LPP: variants seen among roughly 807,000 people sequenced by gnomAD.
The protein encoded by LPP is lipoma-preferred partner.
LPP carries 38 observed loss-of-function variants against 60.4 expected under a neutral mutation model. The ratio of observed to expected loss-of-function variants is 0.63; its 90% confidence interval spans 0.49 to 0.83. The LOEUF is 0.83. Ranked by LOEUF, LPP falls within the 40% of genes least tolerant of loss-of-function variation. The pLI, the probability that LPP is intolerant of heterozygous loss-of-function variation, is 0.00. For missense variants in LPP, 902 were observed against 783.6 expected (o/e 1.15, Z -1.80); for synonymous variants, 328 against 290.8 (o/e 1.13, Z -1.30).
At chr3:188,576,987 C>T (rs1834773076) in intron 6 of LPP, among the ~76,000 whole-genome samples, 1 of 152,172 alleles carries the variant, frequency 6.6e-6, no homozygotes, top group African/African-American at 2.4e-5. Flanking sequence ...CTTGGAGCCT[C>T]ATTTCCCCTT....
chr3:188,628,088 A>C (rs1847184303), intron 7 of LPP, among the ~76,000 whole-genome samples: 1 of 152,100 alleles, frequency 6.6e-6, no homozygotes, highest in African/African-American at 2.4e-5. Context: ...AACATACCAG[A>C]GAACACAGCT....
intron 1 of LPP, among the ~76,000 whole-genome samples, chr3:188,212,093 A>T (rs1711520114): frequency 6.6e-6 from 1 of 152,086 alleles, no homozygotes; most frequent in Admixed American, 6.6e-5. Flanking sequence ...TCCTGACCTC[A>T]GGTGATCCTC....
intron 9 of LPP, among the ~76,000 whole-genome samples, chr3:188,803,416 A>G (rs1747937841): frequency 6.6e-6 from 1 of 152,168 alleles, no homozygotes; most frequent in Non-Finnish European, 1.5e-5. Context: ...GCCATAGTTT[A>G]TCTTCTTCTA....
rs531722107 is a variant in LPP, at chr3:188,372,773, T to C, written c.-10+31054T>C. On this transcript the variant is annotated intron_variant, in intron 3 of 11. Coordinates refer to ENST00000617246, the MANE Select transcript of LPP (RefSeq NM_001375462.1). ...GTACAACGTGCAGGTTTGTTACATA[T>C]GTATACATGTGCTATGTTAGTGTGC... is the stretch of plus-strand genomic sequence containing the variant. Among the ~76,000 whole-genome samples the C allele has an allele frequency of 3.3e-5, 5 of 152,154 alleles. No homozygotes were observed. In the East Asian group the frequency reaches 9.6e-4, roughly 29 times the overall value.
intron 1 of LPP, among the ~76,000 whole-genome samples, chr3:188,215,060 C>T (rs1577333716): frequency 6.6e-6 from 1 of 152,146 alleles, no homozygotes; most frequent in African/African-American, 2.4e-5. Context: ...AATCCCAGCA[C>T]TTTGAGAGGC....
Position 188,883,559 on chromosome 3 carries a change from G to A in LPP, c.*9080G>A, listed in dbSNP as rs539037843. 160 of 180,140 alleles carry A rather than the reference G, an allele frequency of 8.9e-4. No homozygotes were observed. Among genetic ancestry groups the A allele is most frequent in the African/African-American group, 3.6e-3 (151 of 42,314 alleles). 11.2% of individuals were successfully genotyped at this position (180,140 alleles called of 1,614,324 possible). On this transcript the variant is annotated 3_prime_UTR_variant, in exon 12 of 12. Coordinates refer to ENST00000617246, the MANE Select transcript of LPP (RefSeq NM_001375462.1). ...ATCCTGGTCAACATGGTGAAACCCC[G>A]ACTCTACTAAAAAAAATACAAAAAT...
chr3:188,510,824 T>C (rs1364671757), intron 5 of LPP, among the ~76,000 whole-genome samples: 2 of 152,232 alleles, frequency 1.3e-5, no homozygotes, highest in East Asian at 1.9e-4. Context: ...ATTTAAGGCC[T>C]TCTCAATTCT....
intron 2 of LPP, among the ~76,000 whole-genome samples, chr3:188,278,372 G>C (rs553342031): frequency 6.6e-6 from 1 of 152,270 alleles, no homozygotes; most frequent in South Asian, 2.1e-4. Context: ...GTCCTCATCT[G>C]CCAAAGACTA....
intron 1 of LPP, among the ~76,000 whole-genome samples, chr3:188,187,960 T>A (rs1377491704): frequency 6.6e-6 from 1 of 152,210 alleles, no homozygotes; most frequent in Admixed American, 6.5e-5. Context: ...TTAATTCCTA[T>A]ATATTTAATA....
In LPP at chr3:188,799,358, G is replaced by T. The variant is rs1451110382; in HGVS notation, c.1410+39076G>T. On this transcript the variant is annotated intron_variant, in intron 9 of 11. Coordinates refer to ENST00000617246, the MANE Select transcript of LPP (RefSeq NM_001375462.1). ...GGTACAAAACCACTTAAGATTTAAA[G>T]CTCTCTTGTTATGGACTTGTATGCT... Among the ~76,000 whole-genome samples, 3 of 152,154 alleles carry T rather than the reference G, an allele frequency of 2.0e-5. No individual in the cohort carries two copies. The East Asian group carries it at 5.8e-4, about 29-fold the overall frequency.
At chr3:188,558,254 G>C (rs769082113) in intron 6 of LPP, among the ~76,000 whole-genome samples, 1 of 152,030 alleles carries the variant, frequency 6.6e-6, no homozygotes, top group Non-Finnish European at 1.5e-5. Flanking sequence ...GTACTCTGTA[G>C]AGTTCATATC....
chr3:188,531,035 C>T (rs1443679706), intron 6 of LPP, among the ~76,000 whole-genome samples: 1 of 152,056 alleles, frequency 6.6e-6, no homozygotes, highest in Non-Finnish European at 1.5e-5. Context: ...ACAGGGCTGT[C>T]TTTTTTTCCC....
chr3:188,651,722 T>C (rs1157603440), intron 7 of LPP, among the ~76,000 whole-genome samples: 1 of 152,088 alleles, frequency 6.6e-6, no homozygotes, highest in African/African-American at 2.4e-5. Context: ...TCACGAGACT[T>C]ATTTACTATC....
At chr3:188,324,438 G>A (rs993958555) in intron 2 of LPP, among the ~76,000 whole-genome samples, 9 of 152,092 alleles carry the variant, frequency 5.9e-5, no homozygotes, top group South Asian at 2.1e-4. Context: ...AGCATCACCC[G>A]AAATGCGTCA....
intron 1 of LPP, among the ~76,000 whole-genome samples, chr3:188,168,890 T>G (rs1278036689): frequency 6.6e-6 from 1 of 152,228 alleles, no homozygotes; most frequent in East Asian, 1.9e-4. Context: ...TTAATTAACA[T>G]TCAGCAAACT....
At chr3:188,203,389 TA>T (rs1731702694) in intron 1 of LPP, among the ~76,000 whole-genome samples, 1 of 86,484 alleles carries the variant, frequency 1.2e-5, no homozygotes, top group South Asian at 4.6e-4. Flanking sequence ...AATATTTATA[TA>T]TTAATATATA....
intron 5 of LPP, among the ~76,000 whole-genome samples, chr3:188,520,673 T>A (rs1818629449): frequency 6.6e-6 from 1 of 152,224 alleles, no homozygotes; most frequent in Admixed American, 6.5e-5. Flanking sequence ...TGCGAGCTTT[T>A]CTCACAGGCA....
chr3:188,651,567 T>A (rs543961736), intron 7 of LPP, among the ~76,000 whole-genome samples: 1 of 152,274 alleles, frequency 6.6e-6, no homozygotes, highest in South Asian at 2.1e-4. Flanking sequence ...ATTTACAAAA[T>A]AAAGAAGTTT....
rs71169028 is a variant in LPP, at chr3:188,883,732, CAAAAAAAAA to C, written c.*9267_*9275del. The C allele has an allele frequency of 7.1e-5, 5 of 70,500 alleles. No homozygotes were observed. The highest frequency in any genetic ancestry group is 2.3e-4 in the Admixed American group (1 of 4,312). 4.4% of individuals were successfully genotyped at this position (70,500 alleles called of 1,614,324 possible). ...TGGGCGACAGAACGAGACTCCGTCT[CAAAAAAAAA>C]AAAAAAAAAAAAAGGTTGGGAAATA... On this transcript the variant is annotated 3_prime_UTR_variant, in exon 12 of 12. Transcript: ENST00000617246.
Sources: allele counts gnomAD v4.1 joint callset (sites outside exome capture counted in the v4.1 genomes callset), GRCh38; gene constraint gnomAD v4.1.1; transcripts MANE v1.5; gene names NCBI Gene and HGNC (gene_info 2026-07-23, HGNC 2026-07-21).